Variants in LAMA2 observed in about 807,000 individuals in gnomAD.
LAMA2 encodes laminin subunit alpha-2.
In LAMA2, 269 loss-of-function variants were observed where a neutral mutation model predicts 364.8. The ratio of observed to expected loss-of-function variants is 0.74; its 90% CI spans 0.67 to 0.82. LAMA2 has a LOEUF of 0.82. Among genes scored for constraint, LAMA2 ranks in the 40% least tolerant of loss-of-function variants. LAMA2 has a pLI of 0.00. For missense variants in LAMA2, 3,807 were observed against 3,873.2 expected (o/e 0.98, Z 0.45); for synonymous variants, 1,379 against 1,370.6 (o/e 1.01, Z -0.14).
intron 29 of LAMA2, among the ~76,000 whole-genome samples, chr6:129,336,168 G>A (rs922035657): frequency 6.6e-6 from 1 of 152,220 alleles, no homozygotes; most frequent in East Asian, 1.9e-4. Flanking sequence ...AATCAGAATA[G>A]GTTCACTTTG....
chr6:129,440,725 C>G, intron 42 of LAMA2, 91 bp from the exon 43 acceptor site: 2 of 1,136,316 alleles, frequency 1.8e-6, no homozygotes, highest in Non-Finnish European at 2.7e-6. Context: ...TGTCCGAGGT[C>G]AGCCAGCCAC....
chr6:129,168,323 T>A (rs1212878782), intron 9 of LAMA2, among the ~76,000 whole-genome samples: 1 of 150,686 alleles, frequency 6.6e-6, no homozygotes, highest in African/African-American at 2.4e-5. Context: ...CTTTAATCCA[T>A]CTTGAATTGA....
Position 129,330,604 on chromosome 6 carries a change from T to TG in LAMA2, c.4311+2192_4311+2193insG, listed in dbSNP as rs991296483. Among the ~76,000 whole-genome samples the TG allele has an allele frequency of 2.4e-3, 352 of 148,892 alleles. 1 individual carries two copies. Among genetic ancestry groups the TG allele is most frequent in the East Asian group, 7.2e-3 (37 of 5,152 alleles). On this transcript the variant is annotated intron_variant, in intron 29 of 64. Coordinates refer to ENST00000421865, the MANE Select transcript of LAMA2 (RefSeq NM_000426.4). Reference sequence around the variant, plus strand: ...TTGTTGTTGTTTGGTTTTTGTTTTTTTTTTTTTTTTTCCCACTGTGTCGTT... The same window carrying TG: ...TTGTTGTTGTTTGGTTTTTGTTTTTTGTTTTTTTTTTTCCCACTGTGTCGTT...
intron 22 of LAMA2, among the ~76,000 whole-genome samples, chr6:129,310,001 G>A (rs1294502359): frequency 1.3e-5 from 2 of 148,358 alleles, no homozygotes; most frequent in Admixed American, 6.9e-5. Context: ...CCGGGTTCAC[G>A]CCATTCTCCT....
chr6:129,018,534 TAA>T (rs374794064), intron 1 of LAMA2, among the ~76,000 whole-genome samples: 16 of 139,176 alleles, frequency 1.1e-4, no homozygotes, highest in Admixed American at 1.4e-4. Context: ...ACTTGAGATT[TAA>T]AAAAAAAAAA....
intron 3 of LAMA2, among the ~76,000 whole-genome samples, chr6:129,085,324 A>G (rs963045838): frequency 6.6e-6 from 1 of 152,344 alleles, no homozygotes; most frequent in Non-Finnish European, 1.5e-5. Context: ...GACACATGGC[A>G]TTACAGAAAG....
At chr6:129,415,075 G>A (rs912120843) in intron 40 of LAMA2, among the ~76,000 whole-genome samples, 1 of 152,130 alleles carries the variant, frequency 6.6e-6, no homozygotes, top group African/African-American at 2.4e-5. Context: ...ATTATTTCCT[G>A]TATAAATGAT....
chr6:129,304,784 C>T (rs566780240), intron 22 of LAMA2, among the ~76,000 whole-genome samples: 1 of 152,174 alleles, frequency 6.6e-6, no homozygotes, highest in Admixed American at 6.5e-5. Flanking sequence ...TTCAAGGTAT[C>T]GTTACTGTTA....
chr6:129,455,751 G>T (rs1782928902), intron 47 of LAMA2, among the ~76,000 whole-genome samples: 1 of 152,106 alleles, frequency 6.6e-6, no homozygotes, highest in East Asian at 1.9e-4. Flanking sequence ...TCTGAAGGGT[G>T]GATATTGTAC....
chr6:129,096,167 T>C (rs1775176520), intron 3 of LAMA2, among the ~76,000 whole-genome samples: 1 of 152,226 alleles, frequency 6.6e-6, no homozygotes, highest in Admixed American at 6.5e-5. Flanking sequence ...AGTTGTTCAA[T>C]ATGAACTGTC....
intron 18 of LAMA2, among the ~76,000 whole-genome samples, chr6:129,286,301 G>T (rs185546598): frequency 7.9e-5 from 12 of 151,810 alleles, no homozygotes; most frequent in African/African-American, 2.9e-4. Context: ...AGATTCAGAT[G>T]CCCTGTTCTG....
At chr6:129,224,186 C>CT (rs1261384381) in intron 12 of LAMA2, among the ~76,000 whole-genome samples, 3 of 152,140 alleles carry the variant, frequency 2.0e-5, no homozygotes, top group Admixed American at 2.0e-4. Flanking sequence ...GATTTTTCTA[C>CT]ATTGATTTTG....
At chr6:129,440,678 G>A (rs555452944) in intron 42 of LAMA2, 138 bp from the exon 43 acceptor site, 5 of 799,008 alleles carry the variant, frequency 6.3e-6, no homozygotes, top group Non-Finnish European at 1.1e-5. Context: ...TGCTACACCT[G>A]AATGAGACAA....
intron 4 of LAMA2, among the ~76,000 whole-genome samples, chr6:129,104,625 T>TA (rs1217185534): frequency 1.3e-5 from 2 of 152,324 alleles, no homozygotes; most frequent in East Asian, 3.9e-4. Flanking sequence ...AATACTGCCC[T>TA]ATGTTCATAT....
intron 1 of LAMA2, among the ~76,000 whole-genome samples, chr6:129,035,767 C>T (rs1786599452): frequency 6.6e-6 from 1 of 151,832 alleles, no homozygotes; most frequent in Admixed American, 6.6e-5. Context: ...TTTTTATTGA[C>T]TTTGTCGAAG....
intron 1 of LAMA2, among the ~76,000 whole-genome samples, chr6:128,912,180 G>A (rs987643100): frequency 6.6e-6 from 1 of 152,038 alleles, no homozygotes; most frequent in African/African-American, 2.4e-5. Flanking sequence ...TGGGTTGCAT[G>A]GAAAAAATGT....
rs192118828 is a variant in LAMA2 at position 128,929,444 on chromosome 6, C to T, written c.112+46087C>T. The T allele has an allele frequency of 1.8e-4, 149 of 840,478 alleles. No individual in the cohort carries two copies. In the African/African-American group the frequency reaches 2.2e-3, roughly 13 times the overall value. The allele number at this position is 840,478 out of a possible 1,614,324, so 52.1% of individuals were successfully genotyped here. ...GAGTAGCTTTTGGAGAAGGAGTGGA[C>T]GGTGAGTCTCAGGAAAGATACCTCC... On this transcript the variant is annotated intron_variant, in intron 1 of 64. Transcript: ENST00000421865.
chr6:129,473,474 T>G (rs1339249322), intron 52 of LAMA2, 122 bp downstream of exon 52: 2 of 912,672 alleles, frequency 2.2e-6, no homozygotes, highest in Non-Finnish European at 3.4e-6. Flanking sequence ...CAGAAAGGCC[T>G]AATCAAAAAC....
At chr6:129,242,816 A>G (rs1346797047) in intron 12 of LAMA2, among the ~76,000 whole-genome samples, 3 of 152,136 alleles carry the variant, frequency 2.0e-5, no homozygotes, top group African/African-American at 7.2e-5. Context: ...AGATTGTACT[A>G]TTTCAACTCA....
Sources: allele counts gnomAD v4.1 joint callset (sites outside exome capture counted in the v4.1 genomes callset), GRCh38; gene constraint gnomAD v4.1.1; transcripts MANE v1.5; gene names NCBI Gene and HGNC (gene_info 2026-07-23, HGNC 2026-07-21).